KIR3DL1: variants seen among roughly 807,000 people sequenced by gnomAD.
The protein encoded by KIR3DL1 is killer cell immunoglobulin-like receptor 3DL1.
KIR3DL1 carries 50 observed loss-of-function variants against 40.3 expected under a neutral mutation model. The observed-to-expected ratio is 1.24, with a 90% confidence interval of 0.99 to 1.57. KIR3DL1 has a LOEUF of 1.57. KIR3DL1 is among the 40% of genes most tolerant of loss of function. KIR3DL1 has a pLI of 0.00. For synonymous variants in KIR3DL1, 257 were observed against 207.2 expected, an observed-to-expected ratio of 1.24 and a Z score of -2.07; for missense variants, 661 against 559.9, an observed-to-expected ratio of 1.18 and a Z score of -1.82.
rs192515534 is a variant in KIR3DL1, at chr19:54,819,831, G to C, written c.474G>C (p.Glu158Asp). The C allele has an allele frequency of 1.1e-5, 18 of 1,611,946 alleles. No individual in the cohort carries two copies. The highest frequency in any genetic ancestry group is 1.5e-5 in the Non-Finnish European group (18 of 1,179,424). Residue 158 changes from glutamate to aspartate, a missense_variant, in exon 4 of 9, where the codon GAG becomes GAC. Physicochemically the swap from Glu to Asp is conservative, Grantham distance 45 (BLOSUM62 2). Coordinates refer to ENST00000391728, the Ensembl canonical transcript of KIR3DL1. Reference sequence around the variant, plus strand: ...TTGAGCACTTCTTTCTGCACAAAGAGGGGATCTCTAAGGACCCCTCACGCC... The same window carrying C: ...TTGAGCACTTCTTTCTGCACAAAGACGGGATCTCTAAGGACCCCTCACGCC...
exon 7 of KIR3DL1, chr19:54,829,438 C>T: frequency 6.7e-7 from 1 of 1,501,834 alleles, no homozygotes; most frequent in Non-Finnish European, 9.0e-7. Flanking sequence ...CTTCTTTCTC[C>T]TTCATCTCTG....
intron 6 of KIR3DL1, among the ~76,000 whole-genome samples, chr19:54,828,687 C>G (rs1337083439): frequency 1.1e-4 from 17 of 149,594 alleles, no homozygotes; most frequent in African/African-American, 3.7e-4. Context: ...ACAGCCCAGG[C>G]TGTTCTGGGA....
intron 5 of KIR3DL1, 118 bp from the exon 6 acceptor site, chr19:54,824,910 A>G (rs2061804708): frequency 1.0e-6 from 1 of 990,182 alleles, no homozygotes; most frequent in South Asian, 1.4e-5. Context: ...GGATCCCAAG[A>G]CTCCCAGGGT....
At chr19:54,820,580 A>T (rs1394782893) in intron 4 of KIR3DL1, among the ~76,000 whole-genome samples, 1 of 151,508 alleles carries the variant, frequency 6.6e-6, no homozygotes. Context: ...TCTGAGGCTC[A>T]TATTCCAAAT....
exon 3 of KIR3DL1, chr19:54,818,433 A>G: frequency 6.2e-7 from 1 of 1,607,782 alleles, no homozygotes; most frequent in Non-Finnish European, 8.5e-7. Flanking sequence ...TATACAAAGA[A>G]GACAGAATCC....
intron 5 of KIR3DL1, among the ~76,000 whole-genome samples, chr19:54,823,882 G>A (rs1285206873): frequency 1.3e-5 from 2 of 151,464 alleles, no homozygotes; most frequent in Non-Finnish European, 2.9e-5. Context: ...TCATATACGT[G>A]ATCGCCATTT....
At chr19:54,817,634 G>A in intron 2 of KIR3DL1, 65 bp downstream of exon 2, 2 of 1,334,992 alleles carry the variant, frequency 1.5e-6, no homozygotes, top group Non-Finnish European at 2.1e-6. Flanking sequence ...TGAAATGGGA[G>A]GGAAGTCCTG....
chr19:54,821,957 A>C (rs2061663318), intron 5 of KIR3DL1, 99 bp downstream of exon 5: 1 of 1,396,888 alleles, frequency 7.2e-7, no homozygotes, highest in Admixed American at 1.9e-5. Context: ...AGATGCAGAG[A>C]GAAGACACAG....
chr19:54,830,516 T>A (rs1243663548), exon 9 of KIR3DL1: 1 of 541,196 alleles, frequency 1.8e-6, no homozygotes, highest in African/African-American at 1.9e-5. Flanking sequence ...TCCATTTCAC[T>A]TGACCCCTGC....
intron 4 of KIR3DL1, among the ~76,000 whole-genome samples, chr19:54,820,716 A>G (rs1416417288): frequency 6.6e-6 from 1 of 151,296 alleles, no homozygotes; most frequent in African/African-American, 2.4e-5. Context: ...ACACATAAAA[A>G]GAAAGAAAAG....
intron 4 of KIR3DL1, among the ~76,000 whole-genome samples, chr19:54,820,330 G>T (rs556808458): frequency 6.6e-6 from 1 of 151,518 alleles, no homozygotes; most frequent in Non-Finnish European, 1.5e-5. Context: ...ACCTGGCACA[G>T]GTTAGAAGTT....
At chr19:54,826,820 C>A (rs796253515) in intron 6 of KIR3DL1, among the ~76,000 whole-genome samples, 16,935 of 125,520 alleles carry the variant, frequency 0.13, 1 homozygote, top group Non-Finnish European at 0.18. Flanking sequence ...AGAGGCTCTG[C>A]CTGAAATGCT....
At chr19:54,816,797 G>A (rs4806450) in intron 1 of KIR3DL1, among the ~76,000 whole-genome samples, 2,664 of 125,896 alleles carry the variant, frequency 0.021, 99 homozygotes, top group East Asian at 0.051. Context: ...GGAGAGATGG[G>A]CCTGGAGGGG....
At position 54,820,921 on chromosome 19, in the gene KIR3DL1, C is replaced by T. The variant is rs1420040267; in HGVS notation, c.656-644C>T. On this transcript the variant is annotated intron_variant, in intron 4 of 8. Transcript: ENST00000391728. Reference sequence around the variant, plus strand: ...GAGAGATGATAGATGGATAGATAGACGTAGATAGATGATAAATAGGTAGAT... The same window carrying T: ...GAGAGATGATAGATGGATAGATAGATGTAGATAGATGATAAATAGGTAGAT... Among the ~76,000 whole-genome samples, 13 of 150,430 alleles carry T rather than the reference C, an allele frequency of 8.6e-5. 1 individual carries two copies. The highest frequency in any genetic ancestry group is 2.2e-4 in the African/African-American group (9 of 40,566).
intron 1 of KIR3DL1, 49 bp from the exon 2 acceptor site, chr19:54,817,485 G>A: frequency 2.1e-6 from 3 of 1,396,596 alleles, no homozygotes; most frequent in Non-Finnish European, 3.0e-6. Context: ...GCAGCAGGGT[G>A]CCCTGGTTTG....
rs201727627 is a variant in KIR3DL1, at chr19:54,819,970, C to G, written c.613C>G (p.Gln205Glu). 49 of 1,611,386 alleles carry G rather than the reference C, an allele frequency of 3.0e-5. 4 individuals carry two copies. Among genetic ancestry groups the G allele is most frequent in the Admixed American group, 5.0e-5 (3 of 59,906 alleles). ...CGGTTCTGTTACTCACACCCCCTAT[C>G]AGTTGTCAGCTCCCAGTGATCCCCT... The change falls in exon 4 of 9, where the codon CAG becomes GAG. Residue 205 changes from glutamine (Q) to glutamate (E), a missense_variant. By Grantham distance (29) the Gln-to-Glu change is conservative (BLOSUM62 2). Around this residue, in one of 3 missense-constraint regions of KIR3DL1, gnomAD observed 548 missense variants for 413.3 expected, o/e 1.33. Transcript: ENST00000391728.
chr19:54,818,299 C>T lies in KIR3DL1; in HGVS notation c.71-16C>T, dbSNP rs1484449941. The T allele has an allele frequency of 3.1e-6, 5 of 1,591,464 alleles. No homozygotes were observed. The highest frequency in any genetic ancestry group is 1.7e-5 in the Admixed American group (1 of 58,576). ...CCACATCCTCCTCTCTAAGGCAGTG[C>T]CTCCTTCTCCCCCAGGTGGTCAGGA... On this transcript the variant is annotated splice_polypyrimidine_tract_variant and intron_variant, in intron 2 of 8. Coordinates refer to ENST00000391728, the Ensembl canonical transcript of KIR3DL1.
chr19:54,819,481 C>T (rs910478594), intron 3 of KIR3DL1, among the ~76,000 whole-genome samples: 2 of 151,226 alleles, frequency 1.3e-5, no homozygotes, highest in African/African-American at 4.9e-5. Flanking sequence ...AGAGATGAGG[C>T]TGTCTTCACA....
Position 54,821,794 on chromosome 19 carries a change from C to T in KIR3DL1, c.885C>T (p.Gly295=), listed in dbSNP as rs1462310393. The T allele has an allele frequency of 9.3e-6, 15 of 1,605,716 alleles. 1 individual carries two copies. The highest frequency in any genetic ancestry group is 1.3e-5 in the Non-Finnish European group (15 of 1,175,290). The change falls in exon 5 of 9, where the codon GGC becomes GGT. Residue 295 remains glycine, a synonymous_variant. Coordinates refer to ENST00000391728, the Ensembl canonical transcript of KIR3DL1. The stretch of plus-strand genomic sequence containing the variant: ...ACGGAGGGACCTACAGATGCTTCGG[C>T]TCTTTCCGTCACTCTCCCTACGAGT...
Sources: gnomAD v4.1 joint callset for allele counts (sites outside exome capture counted in the v4.1 genomes callset) on GRCh38, gnomAD v4.1.1 for gene constraint, gnomAD v4.1.1 regional missense constraint, MANE v1.5 for transcripts, NCBI Gene and HGNC (gene_info 2026-07-23, HGNC 2026-07-21) for gene names.